The following JMJD1C variants were observed in gnomAD, a reference collection of about 807,000 sequenced individuals.
JMJD1C encodes the protein jumonji domain-containing protein 1C.
Under a neutral mutation model 245.3 loss-of-function variants are expected in JMJD1C, and 31 were observed. That is an observed-to-expected ratio of 0.13 (90% CI 0.09 to 0.17). The LOEUF is 0.17. Ranked by LOEUF, JMJD1C falls within the 10% of genes least tolerant of loss-of-function variation. The pLI is 1.00. For missense variants in JMJD1C, 2,691 were observed against 3,000.2 expected (o/e 0.90, Z 2.41); for synonymous variants, 1,057 against 1,017.4 (o/e 1.04, Z -0.74).
At chr10:63,503,732 C>G (rs1224656618) in intron 1 of JMJD1C, among the ~76,000 whole-genome samples, 2 of 152,138 alleles carry the variant, frequency 1.3e-5, no homozygotes, top group Non-Finnish European at 2.9e-5. Context: ...TTTTTCTTCC[C>G]ATTTATCTGG....
intron 2 of JMJD1C, among the ~76,000 whole-genome samples, chr10:63,351,281 A>T (rs1319707719): frequency 2.6e-5 from 4 of 151,524 alleles, no homozygotes; most frequent in Non-Finnish European, 5.9e-5. Context: ...ATTTGGTATT[A>T]TTCACAATGT....
At chr10:63,284,576 A>G (rs1857758364) in intron 2 of JMJD1C, among the ~76,000 whole-genome samples, 1 of 152,160 alleles carries the variant, frequency 6.6e-6, no homozygotes, top group Admixed American at 6.6e-5. Context: ...AATGAAACCA[A>G]AACCACAGTC....
chr10:63,379,378 A>T (rs1042074216), intron 2 of JMJD1C, among the ~76,000 whole-genome samples: 2 of 152,216 alleles, frequency 1.3e-5, no homozygotes, highest in East Asian at 3.8e-4. Flanking sequence ...CAGCAATAAC[A>T]ATAGTTAAAT....
chr10:63,389,872 A>G (rs1947916796), intron 1 of JMJD1C, among the ~76,000 whole-genome samples: 1 of 152,150 alleles, frequency 6.6e-6, no homozygotes, highest in African/African-American at 2.4e-5. Flanking sequence ...ACATACCAAA[A>G]TCTAGAGAAT....
chr10:63,319,785 G>A (rs562314856), intron 2 of JMJD1C, among the ~76,000 whole-genome samples: 53 of 151,984 alleles, frequency 3.5e-4, no homozygotes, highest in South Asian at 1.2e-3. Context: ...TTTTCTCCAC[G>A]ACAGAGTCTC....
In JMJD1C at chr10:63,318,150, G is replaced by A. The variant is rs143262502; in HGVS notation, c.334-53386C>T. On this transcript the variant is annotated intron_variant, in intron 2 of 25. Transcript: ENST00000399262. ...GCTCCCAAGTAGCTGGGAATTACAGGTGCCTGCCAACACGCCCAGCTAATT... is the reference window on the plus strand; with the variant it reads ...GCTCCCAAGTAGCTGGGAATTACAGATGCCTGCCAACACGCCCAGCTAATT... Among the ~76,000 whole-genome samples, 104 of 152,274 alleles carry A rather than the reference G, an allele frequency of 6.8e-4. No homozygotes were observed. The East Asian group carries it at 0.012, about 17-fold the overall frequency.
At chr10:63,363,582 G>C (rs958464202) in intron 2 of JMJD1C, among the ~76,000 whole-genome samples, 1 of 151,938 alleles carries the variant, frequency 6.6e-6, no homozygotes, top group African/African-American at 2.4e-5. Context: ...ATCAATTCCT[G>C]CATTATCAGT....
chr10:63,184,761 T>C, intron 20 of JMJD1C, 23 bp from the exon 21 acceptor site: 1 of 1,589,222 alleles, frequency 6.3e-7, no homozygotes, highest in Non-Finnish European at 8.6e-7. Flanking sequence ...AACATTGCCT[T>C]CTTATAAATA....
chr10:63,245,133 C>T (rs1367435036), intron 3 of JMJD1C, among the ~76,000 whole-genome samples: 2 of 65,694 alleles, frequency 3.0e-5, no homozygotes, highest in Non-Finnish European at 5.7e-5. Flanking sequence ...GACTCTGTCT[C>T]AAAAAAAAAA....
chr10:63,197,887 T>C (rs569624928), intron 12 of JMJD1C, among the ~76,000 whole-genome samples: 1 of 152,346 alleles, frequency 6.6e-6, no homozygotes, highest in Non-Finnish European at 1.5e-5. Context: ...CTGTAGCCTC[T>C]ACCTATCAGA....
chr10:63,353,472 A>C (rs1436167184), intron 2 of JMJD1C, among the ~76,000 whole-genome samples: 1 of 152,198 alleles, frequency 6.6e-6, no homozygotes, highest in East Asian at 1.9e-4. Context: ...AAATATATTC[A>C]CAATAATTGA....
At chr10:63,261,040 G>C (rs1407572185) in intron 3 of JMJD1C, among the ~76,000 whole-genome samples, 2 of 151,964 alleles carry the variant, frequency 1.3e-5, no homozygotes, top group African/African-American at 4.8e-5. Flanking sequence ...AGAATGTTAA[G>C]TGTAGCCAGG....
chr10:63,257,988 G>A (rs770884422), intron 3 of JMJD1C, among the ~76,000 whole-genome samples: 7 of 152,314 alleles, frequency 4.6e-5, no homozygotes, highest in Non-Finnish European at 1.0e-4. Flanking sequence ...GAAGTAAGCA[G>A]CAGATGGTGG....
At chr10:63,389,311 C>CAAAAAAAAA (rs1185397734) in intron 1 of JMJD1C, among the ~76,000 whole-genome samples, 28 of 64,528 alleles carry the variant, frequency 4.3e-4, no homozygotes, top group Non-Finnish European at 5.5e-4. Context: ...GACCCTGTCT[C>CAAAAAAAAA]AAAAAAAAAA....
chr10:63,404,967 T>A (rs1470098132), intron 1 of JMJD1C, among the ~76,000 whole-genome samples: 1 of 152,216 alleles, frequency 6.6e-6, no homozygotes, highest in Non-Finnish European at 1.5e-5. Flanking sequence ...ATTTACCAGC[T>A]GCAATGTTTA....
intron 1 of JMJD1C, among the ~76,000 whole-genome samples, chr10:63,520,256 C>A (rs1204949427): frequency 6.6e-6 from 1 of 152,126 alleles, no homozygotes; most frequent in Non-Finnish European, 1.5e-5. Flanking sequence ...CCTTGAAAGG[C>A]AAGAGACAGA....
intron 2 of JMJD1C, among the ~76,000 whole-genome samples, chr10:63,378,198 A>T (rs1946921009): frequency 6.6e-6 from 1 of 152,084 alleles, no homozygotes; most frequent in Non-Finnish European, 1.5e-5. Context: ...AATTATGACA[A>T]AATTATCATT....
At chr10:63,168,168 G>C (rs1842015667) in intron 25 of JMJD1C, 34 bp from the exon 26 acceptor site, 1 of 1,389,534 alleles carries the variant, frequency 7.2e-7, no homozygotes. Context: ...AATCACTTCA[G>C]TTCGACAGAA....
chr10:63,242,433 A>C (rs1851598737), intron 3 of JMJD1C, among the ~76,000 whole-genome samples: 1 of 152,192 alleles, frequency 6.6e-6, no homozygotes, highest in Admixed American at 6.5e-5. Flanking sequence ...GATACATGAA[A>C]AAAGCAGGCC....
Sources: gnomAD v4.1 joint callset for allele counts (sites outside exome capture counted in the v4.1 genomes callset) on GRCh38, gnomAD v4.1.1 for gene constraint, MANE v1.5 for transcripts, NCBI Gene and HGNC (gene_info 2026-07-23, HGNC 2026-07-21) for gene names.